CNOT1: variants seen among roughly 807,000 people sequenced by gnomAD.
CNOT1 encodes the protein CCR4-NOT transcription complex subunit 1, also known as CCR4-associated factor 1.
A neutral mutation model predicts 273.8 loss-of-function variants in CNOT1; 15 were observed. The ratio of observed to expected loss-of-function variants is 0.05; its 90% CI spans 0.04 to 0.08. The LOEUF is 0.08. Ranked by LOEUF, CNOT1 falls within the 10% of genes least tolerant of loss-of-function variation. The pLI is 1.00. For missense variants in CNOT1, 1,644 were observed against 2,912.2 expected, an observed-to-expected ratio of 0.56 and a Z score of 10.02; for synonymous variants, 1,022 against 1,005.5, an observed-to-expected ratio of 1.02 and a Z score of -0.31.
Position 58,532,016 on chromosome 16 carries a change from T to G in CNOT1, c.6119A>C (p.Glu2040Ala). 6.2e-7 allele frequency: 1 copy of G among 1,614,160 alleles called. No homozygotes were observed. Among genetic ancestry groups the G allele is most frequent in the Non-Finnish European group, 8.5e-7 (1 of 1,180,020 alleles). Residue 2040 changes from glutamate to alanine, a missense_variant, in exon 42 of 49, where the codon GAA becomes GCA. Transcript: ENST00000317147. Reference protein sequence around the residue: ...KAPGFVYAWLELISHRIFIAR... With the variant: ...KAPGFVYAWLALISHRIFIAR... ...AATAAATATCCGATGGGAAATCAGT[T>G]CAAGCCAGGCATATACAAAGCCAGG...
rs757997652 is a variant in CNOT1, at chr16:58,560,334, T to C, written c.2008A>G (p.Ile670Val). 5.6e-6 allele frequency: 9 copies of C among 1,613,954 alleles called. No homozygotes were observed. The highest frequency in any genetic ancestry group is 3.3e-4 in the Middle Eastern group (2 of 6,082). Residue 670 changes from isoleucine to valine, a missense_variant, in exon 17 of 49, where the codon ATC (isoleucine) becomes GTC (valine). Ile to Val is a conservative substitution (Grantham distance 29, BLOSUM62 3). Around this residue, in one of 13 missense-constraint regions of CNOT1, gnomAD observed 706 missense variants for 1,021.2 expected, o/e 0.69. Transcript: ENST00000317147. ...CTGCAATTGGCTACCATGGTGAGGA[T>C]AGTTTCTGATAGCTCCTGAGAAACA... ...GSVSQELSET[I>V]LTMVANCSNV... is the part of the protein sequence containing the mutation.
chr16:58,624,274 A>G (rs1597628625), intron 1 of CNOT1, among the ~76,000 whole-genome samples: 1 of 152,178 alleles, frequency 6.6e-6, no homozygotes, highest in East Asian at 1.9e-4. Context: ...AGCTTGCTTG[A>G]TGCGCAGGGG....
At chr16:58,577,074 T>C (rs1460998336) in intron 13 of CNOT1, among the ~76,000 whole-genome samples, 1 of 127,224 alleles carries the variant, frequency 7.9e-6, no homozygotes, top group Admixed American at 9.2e-5. Flanking sequence ...GAATCTTTGA[T>C]TTTTTTAATT....
chr16:58,570,633 T>A (rs1012637297), intron 16 of CNOT1, among the ~76,000 whole-genome samples: 1 of 152,090 alleles, frequency 6.6e-6, no homozygotes, highest in African/African-American at 2.4e-5. Flanking sequence ...AATAACTGCA[T>A]GAAGCAAGAA....
intron 24 of CNOT1, 76 bp from the exon 25 acceptor site, chr16:58,549,974 T>A (rs2040398019): frequency 6.3e-7 from 1 of 1,584,358 alleles, no homozygotes; most frequent in Non-Finnish European, 8.5e-7. Context: ...TGAACCATAC[T>A]ATACAGCACA....
At chr16:58,627,403 C>CAAAAA (rs754338444) in intron 1 of CNOT1, among the ~76,000 whole-genome samples, 2,525 of 64,908 alleles carry the variant, frequency 0.039, 520 homozygotes, top group African/African-American at 0.13. Context: ...GACTCCATCT[C>CAAAAA]AAAAAAAAAA....
At position 58,558,520 on chromosome 16, in the gene CNOT1, T is replaced by G; in HGVS notation, c.2285A>C (p.Gln762Pro). The change falls in exon 18 of 49, where the codon CAG becomes CCG. Residue 762 changes from glutamine (Q) to proline (P), a missense_variant. Physicochemically the swap from Gln to Pro is moderately conservative, Grantham distance 76. This residue lies in a region of CNOT1 where 706 missense variants were observed against 1,021.2 expected (regional missense o/e 0.69). Coordinates refer to ENST00000317147, the MANE Select transcript of CNOT1 (RefSeq NM_016284.5). ...KAFPPLSTPNQTTAFSGIGGL... is the reference protein window; with the variant it reads ...KAFPPLSTPNPTTAFSGIGGL... ...TCCAATACCACTGAATGCAGTGGTC[T>G]GATTGGGGGTTGAAAGGGGTGGAAA... 6.2e-7 allele frequency: 1 copy of G among 1,613,848 alleles called. No homozygotes were observed. Among genetic ancestry groups the G allele is most frequent in the Non-Finnish European group, 8.5e-7 (1 of 1,179,898 alleles).
intron 6 of CNOT1, among the ~76,000 whole-genome samples, chr16:58,586,968 C>G (rs750975724): frequency 5.9e-5 from 9 of 152,088 alleles, no homozygotes; most frequent in Admixed American, 3.3e-4. Flanking sequence ...TTCTGTTTGG[C>G]AAAATAAAGT....
chr16:58,551,579 A>C lies in CNOT1; in HGVS notation c.3201+10T>G. On this transcript the variant is annotated intron_variant, in intron 23 of 48. Transcript: ENST00000317147. The stretch of plus-strand genomic sequence containing the variant: ...AAATCCTGGAAGAGAAAAAAGATAG[A>C]TCTACTTACTGGCACATCTTTCTTA... 1 of 1,610,072 alleles carries C rather than the reference A, an allele frequency of 6.2e-7. No individual in the cohort carries two copies. The highest frequency in any genetic ancestry group is 8.5e-7 in the Non-Finnish European group (1 of 1,176,310).
At position 58,574,656 on chromosome 16, in the gene CNOT1, A is replaced by G. The variant is rs200639907; in HGVS notation, c.1932T>C (p.Pro644=). 1.2e-6 allele frequency: 2 copies of G among 1,606,434 alleles called. No homozygotes were observed. The highest frequency in any genetic ancestry group is 2.2e-5 in the East Asian group (1 of 44,838). Residue 644 remains proline, a synonymous_variant, in exon 16 of 49, where the codon CCT becomes CCC. Transcript: ENST00000317147. The part of the protein sequence containing the change: ...EKDQPKSAQL[P]PETLATMLAC... ...CCAACATTGTCGCCAAAGTTTCTGG[A>G]GGAAGTTGAGCACTTTTGGGCTGGT...
At chr16:58,610,549 C>T (rs2042858599) in intron 1 of CNOT1, among the ~76,000 whole-genome samples, 1 of 151,866 alleles carries the variant, frequency 6.6e-6, no homozygotes. Flanking sequence ...ACTAAAAATA[C>T]AAAAAATTAA....
intron 1 of CNOT1, among the ~76,000 whole-genome samples, chr16:58,611,340 A>T (rs2042891314): frequency 6.6e-6 from 1 of 151,954 alleles, no homozygotes; most frequent in African/African-American, 2.4e-5. Flanking sequence ...GAGGCAGGGG[A>T]ATTGCTTGAT....
chr16:58,589,464 A>G (rs1307141486), intron 2 of CNOT1, among the ~76,000 whole-genome samples: 1 of 152,182 alleles, frequency 6.6e-6, no homozygotes, highest in East Asian at 1.9e-4. Context: ...GTGAGCTGAG[A>G]TCGTGCCATT....
At chr16:58,596,456 G>C (rs552694239) in intron 2 of CNOT1, among the ~76,000 whole-genome samples, 1 of 152,244 alleles carries the variant, frequency 6.6e-6, no homozygotes, top group Admixed American at 6.5e-5. Flanking sequence ...AGAAGTGTGT[G>C]GAATTGATGT....
chr16:58,618,269 C>G (rs1176002554), intron 1 of CNOT1, among the ~76,000 whole-genome samples: 1 of 151,396 alleles, frequency 6.6e-6, no homozygotes, highest in Non-Finnish European at 1.5e-5. Context: ...GCTACTTTGT[C>G]TCTAAAAAAA....
At position 58,586,938 on chromosome 16, in the gene CNOT1, A is replaced by G. The variant is rs1000429690; in HGVS notation, c.434-190T>C. Among the ~76,000 whole-genome samples, 3 of 152,174 alleles carry G rather than the reference A, an allele frequency of 2.0e-5. No individual in the cohort carries two copies. In the East Asian group the frequency reaches 5.8e-4, roughly 29 times the overall value. ...ACTGGCAGTGGGGAGGGGAAAATAG[A>G]GAGTTGTTGATGGGCATAGTTCTGT... is the stretch of plus-strand genomic sequence containing the variant. On this transcript the variant is annotated intron_variant, in intron 6 of 48. Transcript: ENST00000317147.
At chr16:58,543,269 C>T (rs903676335) in intron 31 of CNOT1, 2 of 1,544,910 alleles carry the variant, frequency 1.3e-6, no homozygotes, top group African/African-American at 2.7e-5. Context: ...TTGTATCGGC[C>T]TTCTCAAACA....
At position 58,523,284 on chromosome 16, in the gene CNOT1, GAA is replaced by G. The variant is rs2039473323; in HGVS notation, c.6917+84_6917+85del. On this transcript the variant is annotated intron_variant, in intron 47 of 48. Coordinates refer to ENST00000317147, the MANE Select transcript of CNOT1 (RefSeq NM_016284.5). ...AAAACCAACCAAACGGATTTTCACT[GAA>G]CACTGAAAGCATAAAGAGGAAAAAA... The G allele has an allele frequency of 3.6e-6, 5 of 1,374,774 alleles. No individual in the cohort carries two copies. In the Admixed American group the frequency reaches 1.2e-4, roughly 33 times the overall value. The allele number at this position is 1,374,774 out of a possible 1,614,324, so 85.2% of individuals were successfully genotyped here. A position where few individuals can be genotyped will look rare whatever the true frequency, so the allele number is the denominator to read the frequency against.
intron 38 of CNOT1, 66 bp from the exon 39 acceptor site, chr16:58,537,286 GTA>G (rs1451195966): frequency 4.6e-6 from 7 of 1,511,946 alleles, no homozygotes; most frequent in Non-Finnish European, 5.3e-6. Flanking sequence ...ACATACGCAT[GTA>G]TAGTTTGCTT....
Sources: gnomAD v4.1 joint callset for allele counts (sites outside exome capture counted in the v4.1 genomes callset) on GRCh38, gnomAD v4.1.1 for gene constraint, gnomAD v4.1.1 regional missense constraint, MANE v1.5 for transcripts, NCBI Gene and HGNC (gene_info 2026-07-23, HGNC 2026-07-21) for gene names.